PTPRN2: variants seen among roughly 807,000 people sequenced by gnomAD.
PTPRN2 encodes the protein protein tyrosine phosphatase receptor type N2.
Under a neutral mutation model 118.8 loss-of-function variants are expected in PTPRN2, and 74 were observed. That is an observed-to-expected ratio of 0.62 (90% CI 0.52 to 0.76). The LOEUF (loss-of-function observed/expected upper bound fraction) is 0.76. Among genes scored for constraint, PTPRN2 ranks in the 30% least tolerant of loss-of-function variants. The probability of loss-of-function intolerance (pLI) is 0.00; values close to 1 mark genes in which losing one functional copy is unlikely to be tolerated. For missense variants in PTPRN2, 1,481 were observed against 1,394.4 expected, an observed-to-expected ratio of 1.06 and a Z score of -0.99; for synonymous variants, 641 against 608.0, an observed-to-expected ratio of 1.05 and a Z score of -0.80.
intron 12 of PTPRN2, among the ~76,000 whole-genome samples, chr7:157,725,627 T>G (rs2952640): frequency 0.044 from 1,569 of 35,976 alleles, 1 homozygote; most frequent in Middle Eastern, 0.1. Context: ...AGTGTGGCCA[T>G]ACCCTCGCCT....
At chr7:157,573,336 G>A (rs1307525193) in intron 19 of PTPRN2, among the ~76,000 whole-genome samples, 1 of 152,250 alleles carries the variant, frequency 6.6e-6, no homozygotes, top group Admixed American at 6.5e-5. Context: ...CTTTGGCAGA[G>A]GAGTTTACTG....
Position 158,209,992 on chromosome 7 carries a change from T to C in PTPRN2, c.278-4719A>G, listed in dbSNP as rs118099331. On this transcript the variant is annotated intron_variant, in intron 3 of 22. Coordinates refer to ENST00000389418, the MANE Select transcript of PTPRN2 (RefSeq NM_002847.5). ...ATTAAGGAGAAAATTTAGAGATTTC[T>C]TGAAACAAATAATAATACAAACACA... Among the ~76,000 whole-genome samples, 1,271 of 152,264 alleles carry C rather than the reference T, an allele frequency of 8.3e-3. 6 individuals carry two copies. Among genetic ancestry groups the C allele is most frequent in the Non-Finnish European group, 0.014 (952 of 68,026 alleles).
intron 10 of PTPRN2, among the ~76,000 whole-genome samples, chr7:158,098,501 C>T (rs1814859473): frequency 6.6e-6 from 1 of 152,198 alleles, no homozygotes; most frequent in Non-Finnish European, 1.5e-5. Flanking sequence ...GAGAAGCCGT[C>T]CGTGCTCAGA....
chr7:158,029,281 T>C (rs554665934), intron 11 of PTPRN2: 1 of 152,300 alleles, frequency 6.6e-6, no homozygotes, highest in East Asian at 1.9e-4. Flanking sequence ...TGCTAGGGCA[T>C]GGGGTTCATA....
At chr7:158,303,075 A>C (rs758108462) in intron 3 of PTPRN2, among the ~76,000 whole-genome samples, 1 of 152,084 alleles carries the variant, frequency 6.6e-6, no homozygotes, top group Non-Finnish European at 1.5e-5. Context: ...AAATAATTTT[A>C]TGATTTATTT....
chr7:157,888,512 TG>T (rs1796612748), intron 12 of PTPRN2, among the ~76,000 whole-genome samples: 1 of 152,140 alleles, frequency 6.6e-6, no homozygotes, highest in Admixed American at 6.5e-5. Flanking sequence ...CAGGAACGTG[TG>T]GCCGTGCTCT....
intron 3 of PTPRN2, among the ~76,000 whole-genome samples, chr7:158,256,033 A>G (rs1796998851): frequency 6.6e-6 from 1 of 152,190 alleles, no homozygotes. Flanking sequence ...AGCGGGTTTG[A>G]TTTTGGATGC....
In PTPRN2 at chr7:157,787,172, C is replaced by G. The variant is rs1397472800; in HGVS notation, c.1789-104235G>C. 2.0e-3 allele frequency among the ~76,000 whole-genome samples: 296 copies of G among 147,426 alleles called. 7 individuals carry two copies. The highest frequency in any genetic ancestry group is 7.1e-3 in the African/African-American group (282 of 39,940). ...AGGCGGACGCGGGTGCGGCGGGGGA[C>G]GCGGGGGTGGCTGCCCGGGACTGGC... On this transcript the variant is annotated intron_variant, in intron 12 of 22. Transcript: ENST00000389418. The surrounding 1 kb of genome is among the most constrained non-coding windows in gnomAD (Gnocchi z 5.3).
chr7:157,592,042 G>A (rs1409682191), intron 17 of PTPRN2, among the ~76,000 whole-genome samples: 3 of 152,198 alleles, frequency 2.0e-5, no homozygotes, highest in Non-Finnish European at 4.4e-5. Context: ...GTTGAGGGAC[G>A]CTGGGGTTTC....
intron 11 of PTPRN2, among the ~76,000 whole-genome samples, chr7:158,062,927 A>G (rs1810466571): frequency 6.6e-6 from 1 of 152,182 alleles, no homozygotes; most frequent in Admixed American, 6.5e-5. Flanking sequence ...GCCCAGTCCC[A>G]TTGACCGCCC....
intron 12 of PTPRN2, among the ~76,000 whole-genome samples, chr7:157,753,998 C>T (rs186117282): frequency 9.6e-4 from 147 of 152,390 alleles, no homozygotes; most frequent in African/African-American, 3.4e-3. Flanking sequence ...AGGCCTTGGT[C>T]TCTGGTTCCC....
intron 21 of PTPRN2, among the ~76,000 whole-genome samples, chr7:157,562,977 T>C (rs1799279313): frequency 9.1e-6 from 1 of 109,558 alleles, no homozygotes. Context: ...TGCTCCCGCT[T>C]CACCACACAC....
chr7:158,430,052 T>C (rs2129428401), intron 2 of PTPRN2, among the ~76,000 whole-genome samples: 1 of 152,194 alleles, frequency 6.6e-6, no homozygotes, highest in Non-Finnish European at 1.5e-5. Flanking sequence ...GGATTACAGG[T>C]GCACGCTACC....
Position 158,003,199 on chromosome 7 carries a change from G to A in PTPRN2, c.1723+78099C>T, listed in dbSNP as rs554276599. ...GGAGGCCGAGACGGGCGGATCACGA[G>A]GTCAGGAGATCGAGACCATCTTGGC... On this transcript the variant is annotated intron_variant, in intron 11 of 22. Transcript: ENST00000389418. The surrounding 1 kb of genome is among the most constrained non-coding windows in gnomAD (Gnocchi z 5.0). 6.6e-6 allele frequency among the ~76,000 whole-genome samples: 1 copy of A among 152,094 alleles called. No individual in the cohort carries two copies. Among genetic ancestry groups the A allele is most frequent in the East Asian group, 1.9e-4 (1 of 5,162 alleles).
chr7:158,471,642 T>C (rs986570782), intron 2 of PTPRN2, among the ~76,000 whole-genome samples: 1 of 151,850 alleles, frequency 6.6e-6, no homozygotes, highest in African/African-American at 2.4e-5. Flanking sequence ...GAGCTGAGAT[T>C]GCGCCACTGC....
intron 10 of PTPRN2, among the ~76,000 whole-genome samples, chr7:158,101,348 C>T (rs1815211063): frequency 6.6e-6 from 1 of 152,196 alleles, no homozygotes; most frequent in African/African-American, 2.4e-5. Flanking sequence ...ATCCTCATCT[C>T]TCCCCTTATC....
At chr7:158,294,011 A>C (rs1363111372) in intron 3 of PTPRN2, among the ~76,000 whole-genome samples, 1 of 152,268 alleles carries the variant, frequency 6.6e-6, no homozygotes. Flanking sequence ...TAAAATAATG[A>C]TAAAAGTACA....
intron 3 of PTPRN2, among the ~76,000 whole-genome samples, chr7:158,225,844 G>A (rs73176118): frequency 0.16 from 24,407 of 151,690 alleles, 2,287 homozygotes; most frequent in Non-Finnish European, 0.22. Context: ...TTGGGGCTGT[G>A]GCACTGAGTG....
rs543365244 is a variant in PTPRN2 at position 158,142,721 on chromosome 7, A to T, written c.911-4206T>A. Among the ~76,000 whole-genome samples the T allele has an allele frequency of 5.3e-5, 8 of 152,286 alleles. No individual in the cohort carries two copies. In the East Asian group the frequency reaches 1.5e-3, roughly 29 times the overall value. ...AAGCTTCCAGCAACAAACTCAGGAA[A>T]ATACATCTCACTTTCTCACAAACAA... On this transcript the variant is annotated intron_variant, in intron 6 of 22. Transcript: ENST00000389418.
Sources: gnomAD v4.1 joint callset for allele counts (sites outside exome capture counted in the v4.1 genomes callset) on GRCh38, gnomAD v4.1.1 for gene constraint, Gnocchi (gnomAD v3.1) non-coding constraint, MANE v1.5 for transcripts, NCBI Gene and HGNC (gene_info 2026-07-23, HGNC 2026-07-21) for gene names.